Variants in ELAPOR2 observed in about 807,000 individuals in gnomAD.
ELAPOR2 encodes endosome/lysosome-associated apoptosis and autophagy regulator family member 2.
In ELAPOR2, 89 loss-of-function variants were observed where a neutral mutation model predicts 120.7. The ratio of observed to expected loss-of-function variants is 0.74; its 90% confidence interval spans 0.62 to 0.88. The LOEUF (loss-of-function observed/expected upper bound fraction) is 0.88, where lower values mean the gene tolerates loss of function less well. Ranked by LOEUF, ELAPOR2 falls within the 40% of genes least tolerant of loss-of-function variation. The probability of loss-of-function intolerance (pLI) is 0.00; values close to 1 mark genes in which losing one functional copy is unlikely to be tolerated. For synonymous variants in ELAPOR2, 444 were observed against 444.9 expected (o/e 1.00, Z 0.03); for missense variants, 1,134 against 1,251.6 (o/e 0.91, Z 1.42).
rs866925981 is a variant in ELAPOR2 at position 87,011,237 on chromosome 7, G to A, written c.190-46213C>T. Among the ~76,000 whole-genome samples the A allele has an allele frequency of 1.7e-3, 118 of 68,752 alleles. 1 individual carries two copies. Among genetic ancestry groups the A allele is most frequent in the Middle Eastern group, 0.015 (2 of 134 alleles). The allele number at this position is 68,752 out of a possible 152,430, so 45.1% of individuals were successfully genotyped here. On this transcript the variant is annotated intron_variant, in intron 1 of 21. Transcript: ENST00000450689. ...GAGCCAAGATGCATGGCGACAGAGC[G>A]AGACTCCATCTCAAAAAAAAAAAAA... is the stretch of plus-strand genomic sequence containing the variant.
chr7:86,977,679 T>C (rs1461845369), intron 1 of ELAPOR2, among the ~76,000 whole-genome samples: 1 of 152,232 alleles, frequency 6.6e-6, no homozygotes, highest in Non-Finnish European at 1.5e-5. Flanking sequence ...TACATCAGTT[T>C]CAAAACAATA....
At chr7:86,967,446 G>A (rs1019888793) in intron 1 of ELAPOR2, among the ~76,000 whole-genome samples, 1 of 152,026 alleles carries the variant, frequency 6.6e-6, no homozygotes, top group Non-Finnish European at 1.5e-5. Context: ...GCAATGGAAC[G>A]AGACTCCATC....
rs115890285 is a variant in ELAPOR2, at chr7:86,969,107, C to A, written c.190-4083G>T. On this transcript the variant is annotated intron_variant, in intron 1 of 21. Transcript: ENST00000450689. Reference sequence around the variant, plus strand: ...GGCACACTACACAGGCACGAACTTGCACACACTGACATGCACATTCACAAA... The same window carrying A: ...GGCACACTACACAGGCACGAACTTGAACACACTGACATGCACATTCACAAA... Among the ~76,000 whole-genome samples, 606 of 152,242 alleles carry A rather than the reference C, an allele frequency of 4.0e-3. 5 individuals are homozygous for A. The highest frequency in any genetic ancestry group is 0.014 in the African/African-American group (581 of 41,540).
chr7:86,938,890 G>A lies in ELAPOR2; in HGVS notation c.918C>T (p.Asn306=). Residue 306 remains asparagine (N), a synonymous_variant, in exon 7 of 22, where the codon AAC becomes AAT. Coordinates refer to ENST00000450689, the MANE Select transcript of ELAPOR2 (RefSeq NM_001142749.3). ...AGGTGTTTCTGGGACACACCTGGCAGTTGAATGAACCTGGTTTGTTGCTGA... is the reference window on the plus strand; with the variant it reads ...AGGTGTTTCTGGGACACACCTGGCAATTGAATGAACCTGGTTTGTTGCTGA... ...GTFSNKPGSF[N]CQVCPRNTYS... The A allele has an allele frequency of 1.2e-6, 2 of 1,613,432 alleles. No individual in the cohort carries two copies. The highest frequency in any genetic ancestry group is 4.5e-5 in the East Asian group (2 of 44,860).
intron 11 of ELAPOR2, 42 bp downstream of exon 11, chr7:86,919,178 G>A: frequency 7.1e-7 from 1 of 1,408,634 alleles, no homozygotes; most frequent in Non-Finnish European, 1.0e-6. Context: ...GGAAACAGGT[G>A]TAAGGATTCT....
chr7:86,928,889 C>T (rs1478641816), intron 8 of ELAPOR2, among the ~76,000 whole-genome samples: 1 of 151,908 alleles, frequency 6.6e-6, no homozygotes, highest in Non-Finnish European at 1.5e-5. Flanking sequence ...CTGTGCCTCT[C>T]TTTCTAATGG....
Position 86,879,941 on chromosome 7 carries a change from A to G in ELAPOR2, c.*530T>C, listed in dbSNP as rs1799320724. The G allele has an allele frequency of 6.6e-6, 1 of 152,232 alleles. No homozygotes were observed. The highest frequency in any genetic ancestry group is 1.5e-5 in the Non-Finnish European group (1 of 68,060). The allele number at this position is 152,232 out of a possible 1,614,324, so 9.4% of individuals were successfully genotyped here. A position where few individuals can be genotyped will look rare whatever the true frequency, so the allele number is the denominator to read the frequency against. On this transcript the variant is annotated 3_prime_UTR_variant, in exon 22 of 22. Coordinates refer to ENST00000450689, the MANE Select transcript of ELAPOR2 (RefSeq NM_001142749.3). ...TAACCTATGGAAAAATGAAAAATTT[A>G]TTGTCTTCATTGCTCACCATTTTTT...
chr7:86,943,873 T>C (rs1329394481), intron 4 of ELAPOR2, among the ~76,000 whole-genome samples: 4 of 152,078 alleles, frequency 2.6e-5, no homozygotes, highest in African/African-American at 7.2e-5. Context: ...TTAAAAGATA[T>C]TGTCACATAA....
intron 1 of ELAPOR2, among the ~76,000 whole-genome samples, chr7:87,035,087 C>CAAA: frequency 1.2e-5 from 1 of 83,300 alleles, no homozygotes. Flanking sequence ...AACTCCGTCT[C>CAAA]AAAAAAAAAA....
At chr7:86,883,301 G>T (rs1464182114) in intron 21 of ELAPOR2, among the ~76,000 whole-genome samples, 1 of 151,932 alleles carries the variant, frequency 6.6e-6, no homozygotes, top group Admixed American at 6.6e-5. Flanking sequence ...ATCAAATAAG[G>T]TATGGCCTTT....
At chr7:86,895,113 G>A (rs1788378401) in intron 19 of ELAPOR2, among the ~76,000 whole-genome samples, 1 of 152,058 alleles carries the variant, frequency 6.6e-6, no homozygotes, top group African/African-American at 2.4e-5. Context: ...CAACGGGATG[G>A]TTAAAAAATG....
rs1461897420 is a variant in ELAPOR2 at position 86,878,681 on chromosome 7, T to C, written c.*1790A>G. 6.6e-6 allele frequency: 1 copy of C among 152,208 alleles called. No homozygotes were observed. Among genetic ancestry groups the C allele is most frequent in the African/African-American group, 2.4e-5 (1 of 41,460 alleles). The allele number at this position is 152,208 out of a possible 1,614,324, so 9.4% of individuals were successfully genotyped here. A position where few individuals can be genotyped will look rare whatever the true frequency, so the allele number is the denominator to read the frequency against. On this transcript the variant is annotated 3_prime_UTR_variant, in exon 22 of 22. Coordinates refer to ENST00000450689, the MANE Select transcript of ELAPOR2 (RefSeq NM_001142749.3). Reference sequence around the variant, plus strand: ...TCAAATGTATTTTCACTCTTCTGTTTAAATTTTGATCAAAATGCAGACATG... The same window carrying C: ...TCAAATGTATTTTCACTCTTCTGTTCAAATTTTGATCAAAATGCAGACATG...
chr7:86,921,183 C>T (rs574902069), intron 10 of ELAPOR2, among the ~76,000 whole-genome samples: 19 of 152,094 alleles, frequency 1.2e-4, no homozygotes, highest in African/African-American at 4.3e-4. Flanking sequence ...TGACTATGTC[C>T]CTAAGAAAAG....
intron 1 of ELAPOR2, among the ~76,000 whole-genome samples, chr7:87,007,515 T>A: frequency 6.6e-6 from 1 of 152,144 alleles, no homozygotes; most frequent in East Asian, 1.9e-4. Flanking sequence ...TATGCAGACA[T>A]AAACACACAT....
chr7:86,985,015 C>A (rs1396997479), intron 1 of ELAPOR2, among the ~76,000 whole-genome samples: 1 of 152,058 alleles, frequency 6.6e-6, no homozygotes, highest in East Asian at 1.9e-4. Context: ...CACCACCAAT[C>A]CCACAGAAAT....
chr7:86,892,174 T>C (rs567902152), intron 20 of ELAPOR2, among the ~76,000 whole-genome samples: 1 of 152,216 alleles, frequency 6.6e-6, no homozygotes, highest in Non-Finnish European at 1.5e-5. Flanking sequence ...CAGGGACTTT[T>C]AGGCCTGAAT....
At chr7:86,922,848 AAG>A (rs1438430217) in intron 10 of ELAPOR2, among the ~76,000 whole-genome samples, 2 of 151,942 alleles carry the variant, frequency 1.3e-5, no homozygotes, top group African/African-American at 2.4e-5. Flanking sequence ...ATACCAATAA[AAG>A]AGTTATTGAG....
chr7:86,936,888 A>T (rs1385425467), intron 8 of ELAPOR2, among the ~76,000 whole-genome samples: 4 of 152,134 alleles, frequency 2.6e-5, no homozygotes, highest in African/African-American at 4.8e-5. Flanking sequence ...TTTACATTAG[A>T]TCCCATTCCT....
chr7:87,003,419 G>A (rs1382084654), intron 1 of ELAPOR2, among the ~76,000 whole-genome samples: 1 of 151,998 alleles, frequency 6.6e-6, no homozygotes, highest in African/African-American at 2.4e-5. Flanking sequence ...TGATCATGGG[G>A]GCAAATTTCC....
Sources: gnomAD v4.1 joint callset for allele counts (sites outside exome capture counted in the v4.1 genomes callset) on GRCh38, gnomAD v4.1.1 for gene constraint, MANE v1.5 for transcripts, NCBI Gene and HGNC (gene_info 2026-07-23, HGNC 2026-07-21) for gene names.